The following NODAL variants were observed in gnomAD, a reference collection of about 807,000 sequenced individuals.
NODAL encodes nodal growth differentiation factor, also known as nodal homolog.
NODAL carries 12 observed loss-of-function variants against 34.0 expected under a neutral mutation model. The ratio of observed to expected loss-of-function variants is 0.35; its 90% CI spans 0.23 to 0.57. The LOEUF is 0.57. NODAL is among the 20% of genes least tolerant of loss of function. The pLI, the probability that NODAL is intolerant of heterozygous loss-of-function variation, is 0.83. For missense variants in NODAL, 390 were observed against 444.2 expected (o/e 0.88, Z 1.10); for synonymous variants, 162 against 186.4 (o/e 0.87, Z 1.07).
chr10:70,439,229 T>C (rs1845395635), intron 1 of NODAL, among the ~76,000 whole-genome samples: 1 of 152,020 alleles, frequency 6.6e-6, no homozygotes, highest in Non-Finnish European at 1.5e-5. Flanking sequence ...GGTCTTGATC[T>C]CTTGACCTCA....
At chr10:70,442,277 G>A (rs1022723655), upstream of NODAL, among the ~76,000 whole-genome samples, 3 of 152,214 alleles carry the variant, frequency 2.0e-5, no homozygotes, top group African/African-American at 7.2e-5. Context: ...TTCTCCACCT[G>A]AAAAGGGAGT....
In NODAL at chr10:70,432,910, A is replaced by G; in HGVS notation, c.*26T>C. 1 of 1,613,900 alleles carries G rather than the reference A, an allele frequency of 6.2e-7. No homozygotes were observed. Among genetic ancestry groups the G allele is most frequent in the Non-Finnish European group, 8.5e-7 (1 of 1,179,818 alleles). Reference sequence around the variant, plus strand: ...TTTCCCAGCCTTCCAGAGTGCAGGCAAATCCAGTCTCCCTCCAGGATGTCA... The same window carrying G: ...TTTCCCAGCCTTCCAGAGTGCAGGCGAATCCAGTCTCCCTCCAGGATGTCA... On this transcript the variant is annotated 3_prime_UTR_variant, in exon 3 of 3. Coordinates refer to ENST00000287139, the MANE Select transcript of NODAL (RefSeq NM_018055.5).
In NODAL at chr10:70,435,468, G is replaced by A. The variant is rs1438875687; in HGVS notation, c.709C>T (p.Arg237Ter). ...LSWEWGKRHR[R>*]HHLPDRSQLC... ...TGACTTCTGTCTGGCAAGTGATGTC[G>A]ACGGTGCCTCTTGCCCCACTCCCAG... The change falls in exon 2 of 3, where the codon CGA (arginine) becomes TGA (stop). Residue 237 changes from arginine to a stop codon, truncating the protein, a stop_gained. Coordinates refer to ENST00000287139, the MANE Select transcript of NODAL (RefSeq NM_018055.5). LOFTEE classifies it high-confidence loss of function. The A allele has an allele frequency of 3.1e-6, 5 of 1,614,002 alleles. No homozygotes were observed. Among genetic ancestry groups the A allele is most frequent in the Admixed American group, 1.7e-5 (1 of 60,000 alleles).
At chr10:70,440,555 G>T (rs4747030) in intron 1 of NODAL, among the ~76,000 whole-genome samples, 91 of 152,118 alleles carry the variant, frequency 6.0e-4, no homozygotes, top group Non-Finnish European at 1.2e-4. Flanking sequence ...TCTGGCCCCC[G>T]CAGGCGGAGG....
At chr10:70,433,704 C>T (rs1033820526) in intron 2 of NODAL, among the ~76,000 whole-genome samples, 4 of 152,162 alleles carry the variant, frequency 2.6e-5, no homozygotes, top group African/African-American at 9.7e-5. Flanking sequence ...AGTGAGCCAC[C>T]GTGCCCGGCT....
intron 2 of NODAL, among the ~76,000 whole-genome samples, 192 bp from the exon 3 acceptor site, chr10:70,433,280 CTG>C (rs1845294269): frequency 6.6e-6 from 1 of 152,008 alleles, no homozygotes; most frequent in Non-Finnish European, 1.5e-5. Context: ...ACCTTTAGCT[CTG>C]TGCTTGTTTT....
intron 1 of NODAL, among the ~76,000 whole-genome samples, chr10:70,438,364 G>GC (rs1845384059): frequency 6.6e-6 from 1 of 152,156 alleles, no homozygotes; most frequent in South Asian, 2.1e-4. Flanking sequence ...AAGAGCAGGG[G>GC]CCCCCAAGTC....
chr10:70,443,490 C>T (rs1845454281), upstream of NODAL, among the ~76,000 whole-genome samples: 3 of 151,862 alleles, frequency 2.0e-5, no homozygotes, highest in South Asian at 6.2e-4. Context: ...GAGTTTGAGA[C>T]CAGTCTGGTC....
Position 70,435,665 on chromosome 10 carries a change from T to A in NODAL, c.512A>T (p.Lys171Met), listed in dbSNP as rs573873795. The change falls in exon 2 of 3, where the codon AAG (lysine) becomes ATG (methionine). Residue 171 changes from lysine (K) to methionine (M), a missense_variant. By Grantham distance (95) the Lys-to-Met change is moderately conservative. Coordinates refer to ENST00000287139, the MANE Select transcript of NODAL (RefSeq NM_018055.5). ...CTCTCCAGCTACCCTGGACATCTGC[T>A]TCTCCAGGGCCCCAGGGTGCTTCAG... ...KWLKHPGALE[K>M]QMSRVAGECW... 26 of 1,614,008 alleles carry A rather than the reference T, an allele frequency of 1.6e-5. No homozygotes were observed. The highest frequency in any genetic ancestry group is 2.1e-5 in the Non-Finnish European group (25 of 1,180,012).
At chr10:70,444,374 G>C (rs1845466031), upstream of NODAL, among the ~76,000 whole-genome samples, 1 of 150,892 alleles carries the variant, frequency 6.6e-6, no homozygotes, top group Admixed American at 6.6e-5. Context: ...TTGTCACCCA[G>C]GCTAGAGTGC....
upstream of NODAL, among the ~76,000 whole-genome samples, chr10:70,442,413 C>T (rs540663575): frequency 1.6e-4 from 25 of 152,314 alleles, no homozygotes; most frequent in South Asian, 5.0e-3. Flanking sequence ...TGCCCACATC[C>T]CCCAATCCCT....
chr10:70,433,225 A>G, intron 2 of NODAL, 137 bp from the exon 3 acceptor site: 1 of 945,996 alleles, frequency 1.1e-6, no homozygotes. Context: ...TATTTTCATA[A>G]AGGAATTAGC....
chr10:70,436,737 G>A (rs1388338809), intron 1 of NODAL, among the ~76,000 whole-genome samples: 3 of 152,002 alleles, frequency 2.0e-5, no homozygotes, highest in Non-Finnish European at 2.9e-5. Context: ...GGTTTCTAAA[G>A]GCTTTCTAGG....
rs1431445777 is a variant in NODAL, at chr10:70,432,706, C to T, written c.*230G>A. On this transcript the variant is annotated 3_prime_UTR_variant, in exon 3 of 3. Coordinates refer to ENST00000287139, the MANE Select transcript of NODAL (RefSeq NM_018055.5). ...TCAGTAAAGAGAACATCCAGCCAGC[C>T]CCCTGCACAGGCTTCTTCCTCCCTC... 5.3e-5 allele frequency: 31 copies of T among 582,600 alleles called. No homozygotes were observed. In the East Asian group the frequency reaches 9.0e-4, roughly 17 times the overall value. 36.1% of individuals were successfully genotyped at this position (582,600 alleles called of 1,614,324 possible). A position where few individuals can be genotyped will look rare whatever the true frequency, so the allele number is the denominator to read the frequency against.
chr10:70,441,236 C>G (rs962506227), intron 1 of NODAL, among the ~76,000 whole-genome samples: 1 of 152,390 alleles, frequency 6.6e-6, no homozygotes. Flanking sequence ...ACACCCTGAA[C>G]GCTAGAATCC....
At chr10:70,445,236 CTTTT>C (rs903318451), upstream of NODAL, among the ~76,000 whole-genome samples, 1 of 151,956 alleles carries the variant, frequency 6.6e-6, no homozygotes, top group Non-Finnish European at 1.5e-5. Context: ...CCAGAAGCTT[CTTTT>C]TTTTAATTTT....
chr10:70,432,658 T>C lies in NODAL; in HGVS notation c.*278A>G, dbSNP rs979920665. 5 of 486,554 alleles carry C rather than the reference T, an allele frequency of 1.0e-5. No homozygotes were observed. Among genetic ancestry groups the C allele is most frequent in the Middle Eastern group, 5.9e-4 (1 of 1,704 alleles). 30.1% of individuals were successfully genotyped at this position (486,554 alleles called of 1,614,324 possible). On this transcript the variant is annotated 3_prime_UTR_variant, in exon 3 of 3. Coordinates refer to ENST00000287139, the MANE Select transcript of NODAL (RefSeq NM_018055.5). ...ATCCAGTAAAGAACTCATGCACTTG[T>C]GCTTTTCCTTGCCACTGTCTTTTCA... is the stretch of plus-strand genomic sequence containing the variant.
At chr10:70,433,862 C>A (rs1402515472) in intron 2 of NODAL, among the ~76,000 whole-genome samples, 1 of 152,160 alleles carries the variant, frequency 6.6e-6, no homozygotes, top group Non-Finnish European at 1.5e-5. Flanking sequence ...AAGGAACAAT[C>A]CCTTGGCGTT....
Position 70,432,509 on chromosome 10 carries a change from TCA to T in NODAL, c.*425_*426del, listed in dbSNP as rs944864514. On this transcript the variant is annotated 3_prime_UTR_variant, in exon 3 of 3. Transcript: ENST00000287139. ...CTTAATCTTTGGGGAGGGGGACAGG[TCA>T]CACACAGACTACTTTGGAGAATACA... The T allele has an allele frequency of 3.3e-6, 1 of 300,064 alleles. No homozygotes were observed. The highest frequency in any genetic ancestry group is 2.2e-5 in the African/African-American group (1 of 46,068). 18.6% of individuals were successfully genotyped at this position (300,064 alleles called of 1,614,324 possible). A position where few individuals can be genotyped will look rare whatever the true frequency, so the allele number is the denominator to read the frequency against.
Sources: gnomAD v4.1 joint callset for allele counts (sites outside exome capture counted in the v4.1 genomes callset) on GRCh38, gnomAD v4.1.1 for gene constraint, MANE v1.5 for transcripts, NCBI Gene and HGNC (gene_info 2026-07-23, HGNC 2026-07-21) for gene names.